Variants in SLC38A7 observed in about 807,000 individuals in gnomAD.
SLC38A7 encodes solute carrier family 38 member 7, also known as sodium-coupled neutral amino acid transporter 7.
SLC38A7 carries 29 observed loss-of-function variants against 50.1 expected under a neutral mutation model. The ratio of observed to expected loss-of-function variants is 0.58; its 90% CI spans 0.43 to 0.79. The LOEUF (loss-of-function observed/expected upper bound fraction) is 0.79, where lower values mean the gene tolerates loss of function less well. Ranked by LOEUF, SLC38A7 falls within the 30% of genes least tolerant of loss-of-function variation. The pLI is 0.00. For synonymous variants in SLC38A7, 244 were observed against 245.9 expected, an observed-to-expected ratio of 0.99 and a Z score of 0.07; for missense variants, 483 against 610.6, an observed-to-expected ratio of 0.79 and a Z score of 2.20.
At position 58,678,197 on chromosome 16, in the gene SLC38A7, C is replaced by T; in HGVS notation, c.611+136G>A. 1 of 994,880 alleles carries T rather than the reference C, an allele frequency of 1.0e-6. No individual in the cohort carries two copies. Among genetic ancestry groups the T allele is most frequent in the South Asian group, 2.8e-5 (1 of 36,350 alleles). The allele number at this position is 994,880 out of a possible 1,614,324, so 61.6% of individuals were successfully genotyped here. ...TGGTCTTATCTGAAACCCTGCAAGC[C>T]CCGGTCTGCCCTGCCTTGCCTACTC... On this transcript the variant is annotated intron_variant, in intron 5 of 11. Coordinates refer to ENST00000219320, the MANE Select transcript of SLC38A7 (RefSeq NM_018231.3). This position sits in a 1 kb window ranked among gnomAD's most constrained non-coding sequence, Gnocchi z 4.0.
Position 58,671,248 on chromosome 16 carries a change from C to T in SLC38A7, c.1032-4G>A, listed in dbSNP as rs771393050. On this transcript the variant is annotated splice_region_variant and splice_polypyrimidine_tract_variant and intron_variant, in intron 9 of 11. Coordinates refer to ENST00000219320, the MANE Select transcript of SLC38A7 (RefSeq NM_018231.3). ...CCACAGGCCTTCCACCACCGCCCTG[C>T]CCACATGGAGAAGGGCTTAGAGGTG... is the stretch of plus-strand genomic sequence containing the variant. 18 of 1,613,186 alleles carry T rather than the reference C, an allele frequency of 1.1e-5. No individual in the cohort carries two copies. The highest frequency in any genetic ancestry group is 8.3e-5 in the Admixed American group (5 of 59,956).
chr16:58,676,166 C>G, intron 7 of SLC38A7, 112 bp from the exon 8 acceptor site: 1 of 1,543,394 alleles, frequency 6.5e-7, no homozygotes, highest in Non-Finnish European at 8.9e-7. Flanking sequence ...TCCTGAGGCC[C>G]CTGTTCCATC....
Position 58,678,213 on chromosome 16 carries a change from T to C in SLC38A7, c.611+120A>G. ...CCTGCAAGCCCCGGTCTGCCCTGCC[T>C]TGCCTACTCTTGCTCCCCAAGGTGA... On this transcript the variant is annotated intron_variant, in intron 5 of 11. Coordinates refer to ENST00000219320, the MANE Select transcript of SLC38A7 (RefSeq NM_018231.3). This position sits in a 1 kb window ranked among gnomAD's most constrained non-coding sequence, Gnocchi z 4.0. 1 of 1,241,854 alleles carries C rather than the reference T, an allele frequency of 8.1e-7. No individual in the cohort carries two copies. Among genetic ancestry groups the C allele is most frequent in the East Asian group, 2.5e-5 (1 of 40,138 alleles). 76.9% of individuals were successfully genotyped at this position (1,241,854 alleles called of 1,614,324 possible).
intron 2 of SLC38A7, among the ~76,000 whole-genome samples, chr16:58,682,752 C>T (rs572094580): frequency 1.9e-4 from 29 of 152,214 alleles, no homozygotes; most frequent in African/African-American, 7.0e-4. Flanking sequence ...CTGCCTCAGC[C>T]TCCTGAGTAG....
At position 58,667,289 on chromosome 16, in the gene SLC38A7, G is replaced by C; in HGVS notation, c.*96C>G. On this transcript the variant is annotated 3_prime_UTR_variant, in exon 12 of 12. Transcript: ENST00000219320. Reference sequence around the variant, plus strand: ...AGGATGTCCGGATGTCATCCCACCAGTTGGAATGATCGTGGACTAAGAATG... The same window carrying C: ...AGGATGTCCGGATGTCATCCCACCACTTGGAATGATCGTGGACTAAGAATG... The C allele has an allele frequency of 1.5e-6, 2 of 1,302,478 alleles. No individual in the cohort carries two copies. Among genetic ancestry groups the C allele is most frequent in the Non-Finnish European group, 2.2e-6 (2 of 907,562 alleles). The allele number at this position is 1,302,478 out of a possible 1,614,324, so 80.7% of individuals were successfully genotyped here.
Position 58,667,506 on chromosome 16 carries a change from G to C in SLC38A7, c.1287-19C>G, listed in dbSNP as rs1381289606. 1 of 1,581,204 alleles carries C rather than the reference G, an allele frequency of 6.3e-7. No homozygotes were observed. The highest frequency in any genetic ancestry group is 2.2e-5 in the East Asian group (1 of 44,486). ...CCACCAGCTGTAGAACAGAGGGTGA[G>C]AGAGGTCTGATCAGTCATCCCATCC... On this transcript the variant is annotated intron_variant, in intron 11 of 11. Transcript: ENST00000219320.
In SLC38A7 at chr16:58,678,442, C is replaced by T; in HGVS notation, c.502G>A (p.Ala168Thr). Residue 168 changes from alanine (A) to threonine (T), a missense_variant, in exon 5 of 12, where the codon GCC becomes ACC. Coordinates refer to ENST00000219320, the MANE Select transcript of SLC38A7 (RefSeq NM_018231.3). This position sits in a 1 kb window ranked among gnomAD's most constrained non-coding sequence, Gnocchi z 4.0. The part of the protein sequence containing the change: ...IAVMAKEPEG[A>T]SGPWYTDRKF... ...CGGTCTGTGTACCAAGGGCCGCTGG[C>T]CCCCTCCGGCTCTTTCGCCATCACA... 3 of 1,572,206 alleles carry T rather than the reference C, an allele frequency of 1.9e-6. No homozygotes were observed. Among genetic ancestry groups the T allele is most frequent in the South Asian group, 2.4e-5 (2 of 84,212 alleles).
In SLC38A7 at chr16:58,678,947, C is replaced by A; in HGVS notation, c.271-53G>T. Reference sequence around the variant, plus strand: ...GTGGCAAAGGCCTGGCAGCAGAGGGCACCCTGGGCTCGCCTAGCATTTACT... The same window carrying A: ...GTGGCAAAGGCCTGGCAGCAGAGGGAACCCTGGGCTCGCCTAGCATTTACT... On this transcript the variant is annotated intron_variant, in intron 3 of 11. Transcript: ENST00000219320. The surrounding 1 kb of genome is among the most constrained non-coding windows in gnomAD (Gnocchi z 4.0). 1.3e-6 allele frequency: 2 copies of A among 1,575,140 alleles called. No homozygotes were observed. Among genetic ancestry groups the A allele is most frequent in the Admixed American group, 3.4e-5 (2 of 58,590 alleles).
chr16:58,670,004 G>A (rs1023418670), intron 11 of SLC38A7, 109 bp downstream of exon 11: 11 of 927,300 alleles, frequency 1.2e-5, no homozygotes. Flanking sequence ...AAAAACCCAT[G>A]ATTTCTAAGT....
intron 8 of SLC38A7, among the ~76,000 whole-genome samples, chr16:58,673,083 A>ATG (rs2044188847): frequency 1.2e-4 from 7 of 60,360 alleles, no homozygotes; most frequent in African/African-American, 6.5e-4. Context: ...TGCCCGGCTA[A>ATG]TTTTTTTTTT....
At position 58,671,675 on chromosome 16, in the gene SLC38A7, C is replaced by A. The variant is rs958830169; in HGVS notation, c.1031+421G>T. 38 of 218,950 alleles carry A rather than the reference C, an allele frequency of 1.7e-4. No individual in the cohort carries two copies. The East Asian group carries it at 2.7e-3, about 16-fold the overall frequency. The allele number at this position is 218,950 out of a possible 1,614,324, so 13.6% of individuals were successfully genotyped here. ...CTCCTGGGCTCCAGCCATCCTTCTG[C>A]CTCAGCCTCCCAAGTGGCTGAGTAG... is the stretch of plus-strand genomic sequence containing the variant. On this transcript the variant is annotated intron_variant, in intron 9 of 11. Coordinates refer to ENST00000219320, the MANE Select transcript of SLC38A7 (RefSeq NM_018231.3).
rs774823000 is a variant in SLC38A7, at chr16:58,677,429, C to T, written c.612-5G>A. On this transcript the variant is annotated splice_region_variant and splice_polypyrimidine_tract_variant and intron_variant, in intron 5 of 11. Transcript: ENST00000219320. ...GTACCCACGACGCTCAGGAAGCTGCCGGGAAGGAGAGACTAAGTGTCCTCA... is the reference window on the plus strand; with the variant it reads ...GTACCCACGACGCTCAGGAAGCTGCTGGGAAGGAGAGACTAAGTGTCCTCA... The T allele has an allele frequency of 1.1e-5, 17 of 1,613,850 alleles. No individual in the cohort carries two copies. Among genetic ancestry groups the T allele is most frequent in the South Asian group, 4.4e-5 (4 of 91,072 alleles).
chr16:58,668,173 C>T (rs573934645), intron 11 of SLC38A7, among the ~76,000 whole-genome samples: 2 of 151,640 alleles, frequency 1.3e-5, no homozygotes, highest in East Asian at 2.0e-4. Context: ...TGTGGTGGCT[C>T]ATGTCTATAA....
In SLC38A7 at chr16:58,665,386, C is replaced by A. The variant is rs1170035151; in HGVS notation, c.*1999G>T. The A allele has an allele frequency of 1.3e-5, 2 of 152,266 alleles. No homozygotes were observed. The highest frequency in any genetic ancestry group is 2.9e-5 in the Non-Finnish European group (2 of 68,156). The allele number at this position is 152,266 out of a possible 1,614,324, so 9.4% of individuals were successfully genotyped here. A position where few individuals can be genotyped will look rare whatever the true frequency, so the allele number is the denominator to read the frequency against. On this transcript the variant is annotated 3_prime_UTR_variant, in exon 12 of 12. Transcript: ENST00000219320. ...TAGCCCTGTCAGGGACTGGTGCTGG[C>A]AGAGCTTGGTGCTGTGCCACAGACT...
intron 8 of SLC38A7, among the ~76,000 whole-genome samples, chr16:58,673,306 G>T (rs1437698967): frequency 6.6e-6 from 1 of 150,682 alleles, no homozygotes; most frequent in African/African-American, 2.4e-5. Flanking sequence ...TGCGATTTCA[G>T]CTTACTGCCA....
At chr16:58,676,138 C>G in intron 7 of SLC38A7, 84 bp from the exon 8 acceptor site, 6 of 1,555,654 alleles carry the variant, frequency 3.9e-6, no homozygotes, top group Non-Finnish European at 4.4e-6. Context: ...AACAAAGACC[C>G]CAGGAACAAG....
In SLC38A7 at chr16:58,684,151, G is replaced by A. The variant is rs2044444950; in HGVS notation, c.-312C>T. 6.6e-6 allele frequency: 1 copy of A among 152,384 alleles called. No individual in the cohort carries two copies. The highest frequency in any genetic ancestry group is 6.5e-5 in the Admixed American group (1 of 15,278). The allele number at this position is 152,384 out of a possible 1,614,324, so 9.4% of individuals were successfully genotyped here. A position where few individuals can be genotyped will look rare whatever the true frequency, so the allele number is the denominator to read the frequency against. Reference sequence around the variant, plus strand: ...TCAGCAGAGCTGGAGGAAACTGAGCGGCTCTCACGCTTACTCATGAAATGG... The same window carrying A: ...TCAGCAGAGCTGGAGGAAACTGAGCAGCTCTCACGCTTACTCATGAAATGG... On this transcript the variant is annotated 5_prime_UTR_variant, in exon 2 of 12. Transcript: ENST00000219320.
At chr16:58,667,709 C>T (rs2044068802) in intron 11 of SLC38A7, among the ~76,000 whole-genome samples, 3 of 152,016 alleles carry the variant, frequency 2.0e-5, no homozygotes, top group Admixed American at 6.6e-5. Context: ...ACTGATTGTT[C>T]ACATCATGCC....
intron 8 of SLC38A7, among the ~76,000 whole-genome samples, chr16:58,675,036 G>A (rs551139027): frequency 1.3e-4 from 20 of 152,282 alleles, no homozygotes; most frequent in African/African-American, 4.8e-4. Context: ...CACCACTCCA[G>A]CCACATAGAC....
Sources: gnomAD v4.1 joint callset for allele counts (sites outside exome capture counted in the v4.1 genomes callset) on GRCh38, gnomAD v4.1.1 for gene constraint, Gnocchi (gnomAD v3.1) non-coding constraint, MANE v1.5 for transcripts, NCBI Gene and HGNC (gene_info 2026-07-23, HGNC 2026-07-21) for gene names.